KIRREL1: variants seen among roughly 807,000 people sequenced by gnomAD.
The protein encoded by KIRREL1 is kirre like nephrin family adhesion molecule 1, also known as kin of IRRE-like protein 1.
A neutral mutation model predicts 83.3 loss-of-function variants in KIRREL1; 25 were observed. The observed-to-expected ratio is 0.30, with a 90% confidence interval of 0.22 to 0.42. The LOEUF is 0.42. Ranked by LOEUF, KIRREL1 falls within the 10% of genes least tolerant of loss-of-function variation. The pLI is 1.00. For missense variants in KIRREL1, 812 were observed against 1,032.3 expected, an observed-to-expected ratio of 0.79 and a Z score of 2.92; for synonymous variants, 388 against 410.4, an observed-to-expected ratio of 0.95 and a Z score of 0.66.
intron 1 of KIRREL1, among the ~76,000 whole-genome samples, chr1:158,019,300 G>GA (rs1050957559): frequency 1.5e-3 from 232 of 151,524 alleles, no homozygotes; most frequent in African/African-American, 5.4e-3. Context: ...AGGGAAGGTG[G>GA]AAAAAAAAGG....
chr1:158,006,060 A>G (rs2101628369), intron 1 of KIRREL1, among the ~76,000 whole-genome samples: 1 of 152,348 alleles, frequency 6.6e-6, no homozygotes, highest in South Asian at 2.1e-4. Flanking sequence ...GTGAATGAGA[A>G]CACAGGCAAA....
chr1:158,043,246 G>A (rs1030658892), intron 1 of KIRREL1, among the ~76,000 whole-genome samples: 3 of 152,158 alleles, frequency 2.0e-5, no homozygotes, highest in Non-Finnish European at 2.9e-5. Flanking sequence ...AAAAGAGAGT[G>A]GATGGAAAGC....
chr1:158,036,713 A>G (rs1660485122), intron 1 of KIRREL1, among the ~76,000 whole-genome samples: 1 of 152,192 alleles, frequency 6.6e-6, no homozygotes. Flanking sequence ...GATGTCCTCC[A>G]GTCTACAGTG....
At position 158,081,720 on chromosome 1, in the gene KIRREL1, CGAGCTCATATATGAGGGAT is replaced by C. The variant is rs535364224; in HGVS notation, c.353-2694_353-2676del. Among the ~76,000 whole-genome samples, 1,447 of 152,248 alleles carry C rather than the reference CGAGCTCATATATGAGGGAT, an allele frequency of 9.5e-3. 24 individuals carry two copies. Among genetic ancestry groups the C allele is most frequent in the African/African-American group, 0.033 (1,359 of 41,548 alleles). On this transcript the variant is annotated intron_variant, in intron 3 of 14. Coordinates refer to ENST00000359209, the MANE Select transcript of KIRREL1 (RefSeq NM_018240.7). ...TGTCATTTGTCCCATATATGAGGGA[CGAGCTCATATATGAGGGAT>C]GAGCTCACGGAGGATGGGCAGAGAG...
intron 1 of KIRREL1, among the ~76,000 whole-genome samples, chr1:158,052,131 A>C (rs1173894074): frequency 6.6e-6 from 1 of 152,174 alleles, no homozygotes; most frequent in East Asian, 1.9e-4. Flanking sequence ...ATAAAACTCT[A>C]CATGATCTGG....
chr1:158,087,168 G>A (rs1413574377), intron 5 of KIRREL1, among the ~76,000 whole-genome samples: 1 of 152,146 alleles, frequency 6.6e-6, no homozygotes, highest in Admixed American at 6.5e-5. Flanking sequence ...TCATATGTGT[G>A]ACTATGGGAT....
At chr1:158,068,445 G>A (rs2101614870) in intron 1 of KIRREL1, among the ~76,000 whole-genome samples, 1 of 152,246 alleles carries the variant, frequency 6.6e-6, no homozygotes, top group South Asian at 2.1e-4. Flanking sequence ...TAGGATTCTA[G>A]GCTGGGCTGT....
intron 1 of KIRREL1, among the ~76,000 whole-genome samples, chr1:158,060,490 C>G (rs1661186304): frequency 6.6e-6 from 1 of 152,158 alleles, no homozygotes; most frequent in African/African-American, 2.4e-5. Flanking sequence ...CATGTCCTTC[C>G]AGAAGTCCCC....
At chr1:158,002,014 C>G (rs80128880) in intron 1 of KIRREL1, among the ~76,000 whole-genome samples, 3,442 of 152,200 alleles carry the variant, frequency 0.023, 228 homozygotes, top group East Asian at 0.15. Flanking sequence ...TTTATAACCC[C>G]TCCAATTAAA....
chr1:158,004,200 A>C (rs1227624901), intron 1 of KIRREL1, among the ~76,000 whole-genome samples: 1 of 152,234 alleles, frequency 6.6e-6, no homozygotes, highest in African/African-American at 2.4e-5. Context: ...GAGAGGACCT[A>C]TATTAAGGAA....
At chr1:158,067,621 T>G (rs1311534010) in intron 1 of KIRREL1, among the ~76,000 whole-genome samples, 1 of 152,112 alleles carries the variant, frequency 6.6e-6, no homozygotes. Context: ...CCCAAATAAG[T>G]GAAATGAGCT....
intron 1 of KIRREL1, among the ~76,000 whole-genome samples, chr1:158,070,732 G>A (rs1316169032): frequency 1.3e-5 from 2 of 152,142 alleles, no homozygotes; most frequent in African/African-American, 4.8e-5. Flanking sequence ...TAACCTGAAA[G>A]GACGGATGTC....
chr1:158,059,705 C>T (rs1661160716), intron 1 of KIRREL1, among the ~76,000 whole-genome samples: 1 of 152,066 alleles, frequency 6.6e-6, no homozygotes, highest in Non-Finnish European at 1.5e-5. Context: ...GGGGTGGGGG[C>T]TCAGGCTTGA....
intron 1 of KIRREL1, among the ~76,000 whole-genome samples, chr1:157,999,685 T>G (rs987976627): frequency 4.0e-5 from 6 of 151,828 alleles, no homozygotes; most frequent in African/African-American, 1.5e-4. Context: ...ACCAGTTTAC[T>G]TGGCAATCTC....
chr1:158,061,653 GTAC>G (rs2101606045), intron 1 of KIRREL1, among the ~76,000 whole-genome samples: 1 of 152,296 alleles, frequency 6.6e-6, no homozygotes, highest in East Asian at 1.9e-4. Flanking sequence ...AGGCTGAGAT[GTAC>G]TGACACAGGA....
intron 1 of KIRREL1, among the ~76,000 whole-genome samples, chr1:158,006,095 A>C (rs1400430833): frequency 6.6e-6 from 1 of 152,214 alleles, no homozygotes; most frequent in Non-Finnish European, 1.5e-5. Context: ...AGATCAATAG[A>C]TTGGGCTTCT....
Position 158,094,280 on chromosome 1 carries a change from G to T in KIRREL1, c.1720-33G>T. On this transcript the variant is annotated intron_variant, in intron 13 of 14. Coordinates refer to ENST00000359209, the MANE Select transcript of KIRREL1 (RefSeq NM_018240.7). The surrounding 1 kb of genome is among the most constrained non-coding windows in gnomAD (Gnocchi z 4.6). ...GAGGGGCGAAAAGAGCAGGGCTTCC[G>T]TCTGCTGACGTCCCACTCCTGCTGC... The T allele has an allele frequency of 6.4e-7, 1 of 1,570,700 alleles. No individual in the cohort carries two copies. The highest frequency in any genetic ancestry group is 8.7e-7 in the Non-Finnish European group (1 of 1,154,862).
Position 158,089,671 on chromosome 1 carries a change from G to A in KIRREL1, c.1171+43G>A, listed in dbSNP as rs112477747. The A allele has an allele frequency of 4.3e-6, 7 of 1,613,838 alleles. No homozygotes were observed. In the South Asian group the frequency reaches 5.5e-5, roughly 13 times the overall value. ...GAGGCAGCCGGGCCTGGGCGGGCTG[G>A]TACTGCAGTTTTTAACTGGTTCTGA... On this transcript the variant is annotated intron_variant, in intron 9 of 14. Transcript: ENST00000359209.
chr1:158,085,411 G>A (rs1219947448), intron 4 of KIRREL1, among the ~76,000 whole-genome samples: 4 of 152,132 alleles, frequency 2.6e-5, no homozygotes, highest in Non-Finnish European at 5.9e-5. Context: ...TGGATAATTC[G>A]CTTCACTTTT....
Sources: allele counts gnomAD v4.1 joint callset (sites outside exome capture counted in the v4.1 genomes callset), GRCh38; gene constraint gnomAD v4.1.1; non-coding constraint Gnocchi (gnomAD v3.1); transcripts MANE v1.5; gene names NCBI Gene and HGNC (gene_info 2026-07-23, HGNC 2026-07-21).